The following POLD3 variants were observed in gnomAD, a reference collection of about 807,000 sequenced individuals.
POLD3 encodes DNA polymerase delta subunit 3.
In POLD3, 19 loss-of-function variants were observed where a neutral mutation model predicts 58.2. That is an observed-to-expected ratio of 0.33 (90% confidence interval 0.23 to 0.48). The LOEUF (loss-of-function observed/expected upper bound fraction) is 0.48, where lower values mean the gene tolerates loss of function less well. Ranked by LOEUF, POLD3 falls within the 20% of genes least tolerant of loss-of-function variation. The pLI, the probability that POLD3 is intolerant of heterozygous loss-of-function variation, is 0.99. For missense variants in POLD3, 504 were observed against 545.5 expected (o/e 0.92, Z 0.76); for synonymous variants, 172 against 193.5 (o/e 0.89, Z 0.92).
At chr11:74,650,581 A>G (rs1045792736) in intron 4 of POLD3, among the ~76,000 whole-genome samples, 1 of 152,224 alleles carries the variant, frequency 6.6e-6, no homozygotes, top group Non-Finnish European at 1.5e-5. Context: ...CCAATGATGT[A>G]TGGGGTGCTT....
At chr11:74,645,046 G>GGAGT (rs1272715416), downstream of POLD3, among the ~76,000 whole-genome samples, 1 of 152,158 alleles carries the variant, frequency 6.6e-6, no homozygotes, top group Non-Finnish European at 1.5e-5. Context: ...TTACCATTTT[G>GGAGT]GAGTGACAAG....
At position 74,641,165 on chromosome 11, in the gene POLD3, C is replaced by G; in HGVS notation, c.*399C>G. ...CTTGTTCCTCTGTATTCTAAGAATT[C>G]ATGTGGGTGTTTCTTATCCTTACAT... On this transcript the variant is annotated 3_prime_UTR_variant, in exon 12 of 12. Transcript: ENST00000263681. 1.0e-6 allele frequency: 1 copy of G among 988,060 alleles called. No individual in the cohort carries two copies. The allele number at this position is 988,060 out of a possible 1,614,324, so 61.2% of individuals were successfully genotyped here.
chr11:74,660,103 T>C (rs1262839694), intron 4 of POLD3, among the ~76,000 whole-genome samples: 1 of 152,150 alleles, frequency 6.6e-6, no homozygotes, highest in African/African-American at 2.4e-5. Context: ...AAGGCACTTC[T>C]TACATGGCAG....
intron 3 of POLD3, among the ~76,000 whole-genome samples, chr11:74,605,768 T>G (rs762085549): frequency 2.0e-5 from 3 of 152,092 alleles, no homozygotes; most frequent in Admixed American, 6.5e-5. Flanking sequence ...AGCGATTGAG[T>G]CCCCAGCATG....
chr11:74,652,370 A>T (rs1411151787), intron 4 of POLD3, among the ~76,000 whole-genome samples: 1 of 152,226 alleles, frequency 6.6e-6, no homozygotes, highest in African/African-American at 2.4e-5. Flanking sequence ...AACTTTTCAT[A>T]CATATTGCCA....
intron 5 of POLD3, among the ~76,000 whole-genome samples, chr11:74,615,890 T>G (rs2032066773): frequency 6.6e-6 from 1 of 152,166 alleles, no homozygotes; most frequent in Non-Finnish European, 1.5e-5. Flanking sequence ...TTAGTTCTTT[T>G]TTTTTCTTTA....
intron 4 of POLD3, among the ~76,000 whole-genome samples, chr11:74,668,020 T>G (rs148176836): frequency 1.3e-5 from 2 of 152,264 alleles, no homozygotes; most frequent in East Asian, 3.9e-4. Context: ...AATCAAAATC[T>G]CAATGAGAAA....
At chr11:74,599,405 G>C (rs1304913277) in intron 2 of POLD3, among the ~76,000 whole-genome samples, 1 of 136,900 alleles carries the variant, frequency 7.3e-6, no homozygotes, top group Non-Finnish European at 1.5e-5. Context: ...TCGCTCTGTT[G>C]CCTAGGCCGG....
At chr11:74,599,349 CA>C (rs1460205136) in intron 2 of POLD3, among the ~76,000 whole-genome samples, 1 of 148,734 alleles carries the variant, frequency 6.7e-6, no homozygotes, top group African/African-American at 2.5e-5. Flanking sequence ...AGTATTTTCA[CA>C]AACATTTCTC....
chr11:74,624,577 A>G (rs72979206), intron 7 of POLD3, among the ~76,000 whole-genome samples: 1,755 of 152,336 alleles, frequency 0.012, 13 homozygotes, highest in Non-Finnish European at 0.019. Context: ...GCTTTCTAAT[A>G]GTATTTTGTG....
intron 2 of POLD3, chr11:74,595,145 A>G (rs1295342632): frequency 1.3e-5 from 2 of 148,970 alleles, no homozygotes; most frequent in Non-Finnish European, 3.0e-5. Flanking sequence ...TTTTTCCCTC[A>G]GACTTCTCAT....
rs761965729 is a variant in POLD3, at chr11:74,612,905, C to T, written c.287C>T (p.Ala96Val). ...EAVKSKLAVT[A>V]SIHVYSIQKA... ...GTGAAGTCCAAGCTAGCTGTGACTG[C>T]CAGCATCCATGTGTACAGCATCCAG... The change falls in exon 5 of 12, where the codon GCC becomes GTC. Residue 96 changes from alanine (A) to valine (V), a missense_variant. Around this residue, in one of 2 missense-constraint regions of POLD3, gnomAD observed 119 missense variants for 175.0 expected, o/e 0.68. Coordinates refer to ENST00000263681, the MANE Select transcript of POLD3 (RefSeq NM_006591.3). 3.1e-6 allele frequency: 5 copies of T among 1,612,902 alleles called. No individual in the cohort carries two copies. Among genetic ancestry groups the T allele is most frequent in the African/African-American group, 1.3e-5 (1 of 74,886 alleles).
chr11:74,627,734 C>A (rs2032473011), intron 8 of POLD3, among the ~76,000 whole-genome samples: 1 of 152,074 alleles, frequency 6.6e-6, no homozygotes, highest in Admixed American at 6.6e-5. Context: ...GTTACAGTTG[C>A]CTACAGTATT....
intron 7 of POLD3, among the ~76,000 whole-genome samples, chr11:74,624,441 T>G (rs1034308673): frequency 6.6e-6 from 1 of 152,252 alleles, no homozygotes; most frequent in African/African-American, 2.4e-5. Context: ...ATTTATAAAT[T>G]ATTGTACTAA....
chr11:74,622,216 C>T (rs2032285451), intron 7 of POLD3, among the ~76,000 whole-genome samples: 1 of 152,068 alleles, frequency 6.6e-6, no homozygotes, highest in Non-Finnish European at 1.5e-5. Context: ...TTTTTTATGG[C>T]TGCATAGTAT....
intron 11 of POLD3, 125 bp downstream of exon 11, chr11:74,636,400 ACT>A: frequency 1.2e-6 from 1 of 846,844 alleles, no homozygotes; most frequent in Non-Finnish European, 1.9e-6. Flanking sequence ...CCCAAGTGGT[ACT>A]GATGCTGTTT....
chr11:74,632,877 T>TACACACAC (rs71036003), intron 9 of POLD3, among the ~76,000 whole-genome samples: 4,177 of 115,572 alleles, frequency 0.036, 188 homozygotes, highest in Admixed American at 0.046. Context: ...TTTAAGTAAA[T>TACACACAC]ACACACACAC....
At chr11:74,646,489 TAATA>T (rs553816858), downstream of POLD3, among the ~76,000 whole-genome samples, 37 of 152,352 alleles carry the variant, frequency 2.4e-4, no homozygotes, top group Non-Finnish European at 4.1e-4. Context: ...ATAAGTAGGC[TAATA>T]AATGTTAAGA....
intron 7 of POLD3, among the ~76,000 whole-genome samples, chr11:74,622,959 T>G (rs141763051): frequency 6.6e-6 from 1 of 152,298 alleles, no homozygotes; most frequent in Non-Finnish European, 1.5e-5. Context: ...GATGAATGGA[T>G]AAACAAAGGT....
Sources: gnomAD v4.1 joint callset for allele counts (sites outside exome capture counted in the v4.1 genomes callset) on GRCh38, gnomAD v4.1.1 for gene constraint, gnomAD v4.1.1 regional missense constraint, MANE v1.5 for transcripts, NCBI Gene and HGNC (gene_info 2026-07-23, HGNC 2026-07-21) for gene names.